The following CCDC7 variants were observed in gnomAD, a reference collection of about 807,000 sequenced individuals.
CCDC7 encodes coiled-coil domain containing 7.
CCDC7 carries 183 observed loss-of-function variants against 196.9 expected under a neutral mutation model. The observed-to-expected ratio is 0.93, with a 90% CI of 0.82 to 1.05. The LOEUF is 1.05. Ranked by LOEUF, CCDC7 falls within the 50% of genes least tolerant of loss-of-function variation. CCDC7 has a pLI of 0.00. For missense variants in CCDC7, 1,540 were observed against 1,482.2 expected (o/e 1.04, Z -0.64); for synonymous variants, 525 against 484.6 (o/e 1.08, Z -1.10).
intron 21 of CCDC7, among the ~76,000 whole-genome samples, chr10:32,670,970 GTGTT>G (rs1484885762): frequency 2.0e-5 from 3 of 152,108 alleles, no homozygotes; most frequent in African/African-American, 4.8e-5. Context: ...ATTGTACAGT[GTGTT>G]TGTGTTTTAA....
intron 29 of CCDC7, among the ~76,000 whole-genome samples, chr10:32,791,672 C>G (rs2082720569): frequency 6.7e-6 from 1 of 149,498 alleles, no homozygotes; most frequent in Admixed American, 6.7e-5. Context: ...TGAAATGACT[C>G]TATCAGAGAA....
intron 18 of CCDC7, among the ~76,000 whole-genome samples, chr10:32,592,994 T>A (rs1044646250): frequency 1.3e-4 from 20 of 152,218 alleles, no homozygotes; most frequent in African/African-American, 4.8e-4. Flanking sequence ...TTGTGATTAG[T>A]GCCACAATAA....
In CCDC7 at chr10:32,720,056, G is replaced by A. The variant is rs143056162; in HGVS notation, c.2570-6678G>A. On this transcript the variant is annotated intron_variant, in intron 25 of 41. Coordinates refer to ENST00000639629, the Ensembl canonical transcript of CCDC7. ...ACGATTATAAATTATATACCCAAAC[G>A]ATTATAAATTATTATACTATAAAGA... 2.6e-5 allele frequency among the ~76,000 whole-genome samples: 4 copies of A among 152,098 alleles called. No individual in the cohort carries two copies. In the East Asian group the frequency reaches 7.7e-4, roughly 29 times the overall value.
chr10:32,686,484 C>T (rs2076479475), intron 22 of CCDC7, among the ~76,000 whole-genome samples: 2 of 152,198 alleles, frequency 1.3e-5, no homozygotes, highest in Non-Finnish European at 2.9e-5. Flanking sequence ...AAATAAAGAT[C>T]AGAGGAGCTA....
intron 24 of CCDC7, among the ~76,000 whole-genome samples, chr10:32,707,457 G>A (rs1334532291): frequency 6.6e-6 from 1 of 152,162 alleles, no homozygotes; most frequent in Non-Finnish European, 1.5e-5. Context: ...CATAGTATTG[G>A]AAGTTCTGGC....
intron 24 of CCDC7, among the ~76,000 whole-genome samples, chr10:32,697,086 A>G (rs960398692): frequency 5.9e-5 from 9 of 152,138 alleles, no homozygotes. Context: ...TATACACCAT[A>G]ATGTAGAATG....
At chr10:32,628,138 G>C (rs1430419376) in intron 18 of CCDC7, among the ~76,000 whole-genome samples, 2 of 151,906 alleles carry the variant, frequency 1.3e-5, no homozygotes, top group East Asian at 3.9e-4. Flanking sequence ...GAAACTCCAA[G>C]ATCCAGGACT....
At chr10:32,662,001 T>G (rs2071572400) in intron 20 of CCDC7, among the ~76,000 whole-genome samples, 2 of 152,140 alleles carry the variant, frequency 1.3e-5, no homozygotes, top group African/African-American at 2.4e-5. Context: ...CAGGGAACTT[T>G]TAGCCCATGG....
At chr10:32,704,916 C>G (rs1313980476) in intron 24 of CCDC7, among the ~76,000 whole-genome samples, 1 of 152,138 alleles carries the variant, frequency 6.6e-6, no homozygotes, top group East Asian at 1.9e-4. Context: ...TCTGTCACAC[C>G]TTTCCTTGGC....
Position 32,453,456 on chromosome 10 carries a change from A to T in CCDC7, c.372+20A>T, listed in dbSNP as rs750440698. On this transcript the variant is annotated intron_variant, in intron 2 of 41. Coordinates refer to ENST00000639629, the Ensembl canonical transcript of CCDC7. ...TTATCTGTAAGTATATGCAACCCTAATATAGAGACATTAACACTGAAAAGG... is the reference window on the plus strand; with the variant it reads ...TTATCTGTAAGTATATGCAACCCTATTATAGAGACATTAACACTGAAAAGG... The T allele has an allele frequency of 6.3e-6, 9 of 1,428,540 alleles. No individual in the cohort carries two copies. Among genetic ancestry groups the T allele is most frequent in the Non-Finnish European group, 9.2e-7 (1 of 1,083,536 alleles). 88.5% of individuals were successfully genotyped at this position (1,428,540 alleles called of 1,614,324 possible). A position where few individuals can be genotyped will look rare whatever the true frequency, so the allele number is the denominator to read the frequency against.
At chr10:32,624,983 A>ATTT (rs1590757414) in intron 18 of CCDC7, among the ~76,000 whole-genome samples, 1 of 86,196 alleles carries the variant, frequency 1.2e-5, no homozygotes. Context: ...GCTTTGCACA[A>ATTT]GTTTTTTTTT....
Position 32,804,996 on chromosome 10 carries a change from A to G in CCDC7, c.3014-19A>G. 1 of 1,521,272 alleles carries G rather than the reference A, an allele frequency of 6.6e-7. No homozygotes were observed. The highest frequency in any genetic ancestry group is 9.1e-7 in the Non-Finnish European group (1 of 1,097,926). The allele number at this position is 1,521,272 out of a possible 1,614,324, so 94.2% of individuals were successfully genotyped here. A position where few individuals can be genotyped will look rare whatever the true frequency, so the allele number is the denominator to read the frequency against. ...AGGATTACCTCGCAAAGTATTTTTA[A>G]ATCCATCTATTTCTATAGAGACTGA... On this transcript the variant is annotated intron_variant, in intron 29 of 41. Transcript: ENST00000639629.
chr10:32,769,020 A>G (rs2078750906), intron 28 of CCDC7, among the ~76,000 whole-genome samples: 3 of 152,162 alleles, frequency 2.0e-5, no homozygotes, highest in Non-Finnish European at 4.4e-5. Context: ...GTGGCTTCGT[A>G]TAATGAATTG....
chr10:32,658,030 T>A lies in CCDC7; in HGVS notation c.2015-6024T>A, dbSNP rs149033979. Among the ~76,000 whole-genome samples, 515 of 152,280 alleles carry A rather than the reference T, an allele frequency of 3.4e-3. 5 individuals carry two copies. Among genetic ancestry groups the A allele is most frequent in the African/African-American group, 0.012 (486 of 41,560 alleles). On this transcript the variant is annotated intron_variant, in intron 20 of 41. Coordinates refer to ENST00000639629, the Ensembl canonical transcript of CCDC7. The stretch of plus-strand genomic sequence containing the variant: ...TTCTTCATCTCCATCTGAGACCACC[T>A]CAGGCTGGACTTCATTGTCCATATC...
At chr10:32,650,632 G>C (rs997083837) in intron 20 of CCDC7, among the ~76,000 whole-genome samples, 1 of 152,188 alleles carries the variant, frequency 6.6e-6, no homozygotes, top group Non-Finnish European at 1.5e-5. Context: ...TTGTGAGCCT[G>C]TACCACTCAG....
intron 20 of CCDC7, among the ~76,000 whole-genome samples, chr10:32,637,865 T>C (rs998149281): frequency 6.6e-6 from 1 of 152,252 alleles, no homozygotes; most frequent in African/African-American, 2.4e-5. Flanking sequence ...CCCATGAGCA[T>C]GGAATGTTCT....
At chr10:32,515,850 AT>A (rs1156977053) in intron 9 of CCDC7, among the ~76,000 whole-genome samples, 1 of 151,950 alleles carries the variant, frequency 6.6e-6, no homozygotes, top group Non-Finnish European at 1.5e-5. Context: ...TGGATTACTT[AT>A]TTTTGCCATG....
chr10:32,820,817 A>C (rs1565609014), intron 31 of CCDC7, among the ~76,000 whole-genome samples: 1 of 152,242 alleles, frequency 6.6e-6, no homozygotes. Context: ...AAATTAATTC[A>C]AGATGGATTA....
intron 28 of CCDC7, among the ~76,000 whole-genome samples, chr10:32,746,783 C>T (rs895387855): frequency 6.6e-6 from 1 of 152,158 alleles, no homozygotes; most frequent in African/African-American, 2.4e-5. Context: ...CTCCTCGCAC[C>T]ACTTTGTCAT....
Sources: allele counts gnomAD v4.1 joint callset (sites outside exome capture counted in the v4.1 genomes callset), GRCh38; gene constraint gnomAD v4.1.1; transcripts MANE v1.5; gene names NCBI Gene and HGNC (gene_info 2026-07-23, HGNC 2026-07-21).